The following THEMIS variants were observed in gnomAD, a reference collection of about 807,000 sequenced individuals.
The protein encoded by THEMIS is protein THEMIS.
In THEMIS, 37 loss-of-function variants were observed where a neutral mutation model predicts 52.6. That is an observed-to-expected ratio of 0.70 (90% confidence interval 0.54 to 0.93). The LOEUF is 0.93. Among genes scored for constraint, THEMIS ranks in the 40% least tolerant of loss-of-function variants. THEMIS has a pLI of 0.00. For synonymous variants in THEMIS, 292 were observed against 272.7 expected (o/e 1.07, Z -0.70); for missense variants, 808 against 763.1 (o/e 1.06, Z -0.69).
chr6:127,887,303 A>G (rs868787579), intron 1 of THEMIS, among the ~76,000 whole-genome samples: 1 of 152,144 alleles, frequency 6.6e-6, no homozygotes, highest in Admixed American at 6.6e-5. Flanking sequence ...GTCATTAAGG[A>G]AATGCAAATT....
intron 1 of THEMIS, among the ~76,000 whole-genome samples, chr6:127,862,161 C>G (rs1779824632): frequency 6.6e-6 from 1 of 152,062 alleles, no homozygotes; most frequent in Non-Finnish European, 1.5e-5. Context: ...TAACCTAATA[C>G]ACAAAGTCTT....
chr6:127,902,267 G>T (rs763783601), upstream of THEMIS, among the ~76,000 whole-genome samples: 6 of 147,062 alleles, frequency 4.1e-5, no homozygotes, highest in Admixed American at 6.9e-5. Flanking sequence ...TGAGGCTACA[G>T]TGAGTTGTGA....
rs183246628 is a variant in THEMIS at position 127,837,657 on chromosome 6, T to A, written c.251-7723A>T. Among the ~76,000 whole-genome samples, 251 of 151,990 alleles carry A rather than the reference T, an allele frequency of 1.7e-3. 2 individuals are homozygous for A. Among genetic ancestry groups the A allele is most frequent in the African/African-American group, 5.8e-3 (239 of 41,530 alleles). Reference sequence around the variant, plus strand: ...ATATCTATATATATTCTCAAAAAAATTTTAACAAATTTAAAATAAAATTAA... The same window carrying A: ...ATATCTATATATATTCTCAAAAAAAATTTAACAAATTTAAAATAAAATTAA... On this transcript the variant is annotated intron_variant, in intron 2 of 5. Coordinates refer to ENST00000368248, the MANE Select transcript of THEMIS (RefSeq NM_001010923.3).
At chr6:127,731,377 G>A (rs1345396753) in intron 4 of THEMIS, among the ~76,000 whole-genome samples, 1 of 151,844 alleles carries the variant, frequency 6.6e-6, no homozygotes, top group Non-Finnish European at 1.5e-5. Flanking sequence ...ATAATAAACA[G>A]ATATGTCGGG....
At position 127,853,744 on chromosome 6, in the gene THEMIS, C is replaced by T. The variant is rs529220902; in HGVS notation, c.250+1286G>A. Among the ~76,000 whole-genome samples the T allele has an allele frequency of 9.6e-4, 145 of 151,670 alleles. 1 individual carries two copies. Among genetic ancestry groups the T allele is most frequent in the African/African-American group, 3.4e-3 (141 of 41,436 alleles). The stretch of plus-strand genomic sequence containing the variant: ...TATGCACCTTTCTATATGCCATGTA[C>T]CTTTCTAAACACTAAATATATTTCA... On this transcript the variant is annotated intron_variant, in intron 2 of 5. Transcript: ENST00000368248.
chr6:127,782,655 G>A (rs995836587), intron 4 of THEMIS, among the ~76,000 whole-genome samples: 12 of 152,130 alleles, frequency 7.9e-5, no homozygotes, highest in African/African-American at 2.2e-4. Context: ...CCAGTGAGAT[G>A]AGTGGGGTTC....
intron 4 of THEMIS, among the ~76,000 whole-genome samples, chr6:127,788,944 A>C (rs1217091268): frequency 6.6e-6 from 1 of 152,230 alleles, no homozygotes; most frequent in Non-Finnish European, 1.5e-5. Flanking sequence ...TGTAAAATCG[A>C]CACCGTAACA....
chr6:127,894,894 T>G (rs1237134467), intron 1 of THEMIS, among the ~76,000 whole-genome samples: 1 of 151,070 alleles, frequency 6.6e-6, no homozygotes, highest in Non-Finnish European at 1.5e-5. Context: ...TTAATTATGA[T>G]TAAATGTAAA....
intron 2 of THEMIS, among the ~76,000 whole-genome samples, chr6:127,854,314 T>G (rs1418545441): frequency 6.6e-6 from 1 of 151,778 alleles, no homozygotes; most frequent in African/African-American, 2.4e-5. Context: ...GTGAAATAGG[T>G]GTGACAGAGA....
intron 1 of THEMIS, among the ~76,000 whole-genome samples, chr6:127,871,776 C>T (rs147368361): frequency 9.3e-4 from 142 of 151,990 alleles, no homozygotes; most frequent in Middle Eastern, 3.4e-3. Flanking sequence ...TTGTTCAGTC[C>T]GATAACTATT....
chr6:127,733,546 C>G (rs1209905492), intron 4 of THEMIS, among the ~76,000 whole-genome samples: 2 of 152,168 alleles, frequency 1.3e-5, no homozygotes, highest in African/African-American at 4.8e-5. Flanking sequence ...AAAGTAAAAA[C>G]AAGATCCAGT....
chr6:127,738,671 T>G (rs1388377376), intron 4 of THEMIS, among the ~76,000 whole-genome samples: 6 of 152,204 alleles, frequency 3.9e-5, no homozygotes. Context: ...TCTGTCTGGC[T>G]AGATGGTGTG....
intron 4 of THEMIS, among the ~76,000 whole-genome samples, chr6:127,795,652 A>G (rs755814078): frequency 2.0e-5 from 3 of 152,152 alleles, no homozygotes; most frequent in Non-Finnish European, 4.4e-5. Flanking sequence ...AGAAGTTAAT[A>G]AAGTGTTTTA....
At chr6:127,745,054 A>G (rs1316649918) in intron 4 of THEMIS, among the ~76,000 whole-genome samples, 1 of 151,992 alleles carries the variant, frequency 6.6e-6, no homozygotes, top group East Asian at 1.9e-4. Context: ...AAGAAATGAA[A>G]CAATGGAACT....
At chr6:127,862,365 A>G (rs1241756525) in intron 1 of THEMIS, among the ~76,000 whole-genome samples, 1 of 148,312 alleles carries the variant, frequency 6.7e-6, no homozygotes, top group African/African-American at 2.5e-5. Flanking sequence ...GGATGCTTTG[A>G]GTTGCTGGAC....
At chr6:127,891,125 C>G (rs1200377421) in intron 1 of THEMIS, among the ~76,000 whole-genome samples, 1 of 152,116 alleles carries the variant, frequency 6.6e-6, no homozygotes, top group Non-Finnish European at 1.5e-5. Context: ...TTCCCCTGGT[C>G]TTCATGACTC....
At chr6:127,855,507 T>A (rs1779590367) in intron 1 of THEMIS, among the ~76,000 whole-genome samples, 1 of 151,952 alleles carries the variant, frequency 6.6e-6, no homozygotes, top group African/African-American at 2.4e-5. Context: ...ATTTATGATC[T>A]GTTTTTGCTG....
intron 2 of THEMIS, among the ~76,000 whole-genome samples, chr6:127,846,664 A>C (rs1779224929): frequency 6.6e-6 from 1 of 151,884 alleles, no homozygotes; most frequent in South Asian, 2.1e-4. Context: ...CCAACCAAAA[A>C]AAGCCCAGGG....
intron 4 of THEMIS, among the ~76,000 whole-genome samples, chr6:127,767,955 T>A (rs1776256835): frequency 6.6e-6 from 1 of 152,202 alleles, no homozygotes; most frequent in South Asian, 2.1e-4. Flanking sequence ...TGGTCCATAG[T>A]GGATCTAAAG....
Sources: allele counts gnomAD v4.1 joint callset (sites outside exome capture counted in the v4.1 genomes callset), GRCh38; gene constraint gnomAD v4.1.1; transcripts MANE v1.5; gene names NCBI Gene and HGNC (gene_info 2026-07-23, HGNC 2026-07-21).